The following DCC variants were observed in gnomAD, a reference collection of about 807,000 sequenced individuals.
DCC encodes the protein DCC netrin 1 receptor.
A neutral mutation model predicts 172.5 loss-of-function variants in DCC; 58 were observed. The observed-to-expected ratio is 0.34, with a 90% CI of 0.27 to 0.42. The LOEUF (loss-of-function observed/expected upper bound fraction) is 0.42, where lower values mean the gene tolerates loss of function less well. Ranked by LOEUF, DCC falls within the 10% of genes least tolerant of loss-of-function variation. The pLI, the probability that DCC is intolerant of heterozygous loss-of-function variation, is 1.00. For missense variants in DCC, 1,740 were observed against 1,791.0 expected (o/e 0.97, Z 0.51); for synonymous variants, 709 against 644.5 (o/e 1.10, Z -1.52).
intron 1 of DCC, among the ~76,000 whole-genome samples, chr18:52,543,122 C>T (rs921829343): frequency 1.2e-4 from 18 of 152,070 alleles, no homozygotes; most frequent in African/African-American, 4.3e-4. Flanking sequence ...AGAGGCTAGA[C>T]AGAATGTTTA....
At chr18:53,307,870 C>A (rs930615954) in intron 13 of DCC, among the ~76,000 whole-genome samples, 5 of 130,272 alleles carry the variant, frequency 3.8e-5, no homozygotes, top group Admixed American at 1.7e-4. Flanking sequence ...ATGTCCATAA[C>A]CCTTCTGGAA....
At chr18:52,462,452 G>A (rs552869102) in intron 1 of DCC, among the ~76,000 whole-genome samples, 2 of 151,986 alleles carry the variant, frequency 1.3e-5, no homozygotes, top group Admixed American at 6.6e-5. Context: ...ACACTGCCTC[G>A]TGTCAGCCTC....
At chr18:53,156,105 A>G (rs1277234737) in intron 7 of DCC, among the ~76,000 whole-genome samples, 1 of 152,204 alleles carries the variant, frequency 6.6e-6, no homozygotes, top group Non-Finnish European at 1.5e-5. Flanking sequence ...CGCTTTATTA[A>G]ACTCGGTGTC....
chr18:53,334,473 G>T lies in DCC; in HGVS notation c.2165-5240G>T, dbSNP rs772567692. Among the ~76,000 whole-genome samples the T allele has an allele frequency of 2.6e-5, 4 of 152,114 alleles. No individual in the cohort carries two copies. The South Asian group carries it at 8.3e-4, about 32-fold the overall frequency. On this transcript the variant is annotated intron_variant, in intron 14 of 28. Transcript: ENST00000442544. Reference sequence around the variant, plus strand: ...TAACAATCTTTAAGTATACAGTTCAGTGGCATTAAGCACATTCATGTTGTC... The same window carrying T: ...TAACAATCTTTAAGTATACAGTTCATTGGCATTAAGCACATTCATGTTGTC...
chr18:52,565,160 A>G (rs993018237), intron 1 of DCC, among the ~76,000 whole-genome samples: 2 of 152,180 alleles, frequency 1.3e-5, no homozygotes, highest in East Asian at 3.9e-4. Flanking sequence ...TTTTTTCAAA[A>G]CAAATAAAAC....
chr18:53,097,339 C>T (rs891172534), intron 7 of DCC, among the ~76,000 whole-genome samples: 2 of 152,160 alleles, frequency 1.3e-5, no homozygotes, highest in East Asian at 3.9e-4. Context: ...GGCCATTATC[C>T]TGCTAACACT....
intron 8 of DCC, among the ~76,000 whole-genome samples, chr18:53,172,276 C>T (rs566609664): frequency 9.9e-5 from 15 of 152,172 alleles, no homozygotes; most frequent in African/African-American, 3.1e-4. Flanking sequence ...ACACTGAGTA[C>T]TCAGGGACAT....
rs112525388 is a variant in DCC, at chr18:53,146,107, C to G, written c.1262-11249C>G. Among the ~76,000 whole-genome samples, 267 of 152,198 alleles carry G rather than the reference C, an allele frequency of 1.8e-3. 2 individuals are homozygous for G. Among genetic ancestry groups the G allele is most frequent in the African/African-American group, 6.3e-3 (263 of 41,518 alleles). ...ATTAGCTGGGCATGGTGGCACACAC[C>G]TGTAATCCCAGCTCCTTGGGAGGCT... On this transcript the variant is annotated intron_variant, in intron 7 of 28. Coordinates refer to ENST00000442544, the MANE Select transcript of DCC (RefSeq NM_005215.4).
chr18:52,764,568 G>A (rs576282391), intron 2 of DCC, among the ~76,000 whole-genome samples: 2 of 152,126 alleles, frequency 1.3e-5, no homozygotes, highest in African/African-American at 4.8e-5. Flanking sequence ...TCTCCCTCTT[G>A]TTTCCTCTCT....
At chr18:52,473,726 G>C (rs1989011241) in intron 1 of DCC, among the ~76,000 whole-genome samples, 1 of 152,150 alleles carries the variant, frequency 6.6e-6, no homozygotes, top group African/African-American at 2.4e-5. Flanking sequence ...CCTCCCATAA[G>C]ACTTGGGGAT....
At chr18:52,695,133 T>C (rs12957609) in intron 1 of DCC, among the ~76,000 whole-genome samples, 62,767 of 152,044 alleles carry the variant, frequency 0.41, 13,251 homozygotes, top group Non-Finnish European at 0.47. Flanking sequence ...TTGCCTCTCA[T>C]TCTCTCCTGC....
At chr18:53,307,889 G>T (rs377628688) in intron 13 of DCC, among the ~76,000 whole-genome samples, 1 of 38,148 alleles carries the variant, frequency 2.6e-5, no homozygotes, top group East Asian at 9.1e-4. Flanking sequence ...AAAGCAATGT[G>T]TGTGTATGTA....
chr18:52,592,866 A>G (rs2033828663), intron 1 of DCC, among the ~76,000 whole-genome samples: 1 of 152,096 alleles, frequency 6.6e-6, no homozygotes, highest in African/African-American at 2.4e-5. Flanking sequence ...GCTAGTCTCA[A>G]ACTCCTGGCT....
intron 2 of DCC, among the ~76,000 whole-genome samples, chr18:52,844,568 C>A (rs1268212417): frequency 6.6e-6 from 1 of 152,090 alleles, no homozygotes; most frequent in Non-Finnish European, 1.5e-5. Flanking sequence ...TTATTTTATT[C>A]ATTTATCTAA....
rs2057418261 is a variant in DCC, at chr18:53,322,121, T to A, written c.2128T>A (p.Trp710Arg). 1 of 1,596,828 alleles carries A rather than the reference T, an allele frequency of 6.3e-7. No homozygotes were observed. Among genetic ancestry groups the A allele is most frequent in the African/African-American group, 1.3e-5 (1 of 74,568 alleles). ...CAATGGTACTGGACCACCTTCCAAC[T>A]GGTATACTGCAGAGACTCCAGAGAA... ...TVNGTGPPSN[W>R]YTAETPENDL... The change falls in exon 14 of 29, where the codon TGG becomes AGG. Residue 710 changes from tryptophan (W) to arginine (R), a missense_variant. Physicochemically the swap from Trp to Arg is moderately radical, Grantham distance 101 (BLOSUM62 -3). This residue lies in a region of DCC where 1,732 missense variants were observed against 1,767.4 expected (regional missense o/e 0.98). Coordinates refer to ENST00000442544, the MANE Select transcript of DCC (RefSeq NM_005215.4).
chr18:53,302,632 C>G (rs1205749163), intron 12 of DCC, among the ~76,000 whole-genome samples: 1 of 152,032 alleles, frequency 6.6e-6, no homozygotes, highest in East Asian at 1.9e-4. Flanking sequence ...AAATAGATAT[C>G]TTAGAAACCA....
At chr18:52,894,444 A>T (rs116051476) in intron 2 of DCC, among the ~76,000 whole-genome samples, 2,261 of 150,336 alleles carry the variant, frequency 0.015, 41 homozygotes, top group African/African-American at 0.038. Context: ...ATAAGTATGT[A>T]TTTATATTAT....
chr18:52,487,525 A>C (rs1198049441), intron 1 of DCC, among the ~76,000 whole-genome samples: 1 of 152,116 alleles, frequency 6.6e-6, no homozygotes, highest in Non-Finnish European at 1.5e-5. Context: ...CGTTAGAGGA[A>C]GTAGACCGGG....
chr18:52,474,206 T>TAGAGAGAGAGACAGAGAG lies in DCC; in HGVS notation c.91+133339_91+133340insCAGAGAGAGAGAGAGAGA, dbSNP rs1491448947. Among the ~76,000 whole-genome samples, 401 of 100,710 alleles carry TAGAGAGAGAGACAGAGAG rather than the reference T, an allele frequency of 4.0e-3. 3 individuals carry two copies. Among genetic ancestry groups the TAGAGAGAGAGACAGAGAG allele is most frequent in the African/African-American group, 0.016 (383 of 24,240 alleles). 66.1% of individuals were successfully genotyped at this position (100,710 alleles called of 152,430 possible). ...TTTCCATACATAATTGTAACAGACCTAGAGAGAGAGAGAGAGAGAGAGAGA... is the reference window on the plus strand; with the variant it reads ...TTTCCATACATAATTGTAACAGACCTAGAGAGAGAGACAGAGAGAGAGAGAGAGAGAGAGAGAGAGAGA... On this transcript the variant is annotated intron_variant, in intron 1 of 28. Coordinates refer to ENST00000442544, the MANE Select transcript of DCC (RefSeq NM_005215.4).
Sources: allele counts gnomAD v4.1 joint callset (sites outside exome capture counted in the v4.1 genomes callset), GRCh38; gene constraint gnomAD v4.1.1; regional missense constraint gnomAD v4.1.1; transcripts MANE v1.5; gene names NCBI Gene and HGNC (gene_info 2026-07-23, HGNC 2026-07-21).